Variants in ARHGEF12 observed in about 807,000 individuals in gnomAD.
The protein encoded by ARHGEF12 is Rho guanine nucleotide exchange factor 12, also known as KMT2A/ARHGEF12 fusion protein.
ARHGEF12 carries 66 observed loss-of-function variants against 211.2 expected under a neutral mutation model. The observed-to-expected ratio is 0.31, with a 90% CI of 0.26 to 0.38. ARHGEF12 has a LOEUF of 0.38. Ranked by LOEUF, ARHGEF12 falls within the 10% of genes least tolerant of loss-of-function variation. The pLI is 1.00. For synonymous variants in ARHGEF12, 592 were observed against 638.4 expected, an observed-to-expected ratio of 0.93 and a Z score of 1.09; for missense variants, 1,429 against 1,869.5, an observed-to-expected ratio of 0.76 and a Z score of 4.34.
In ARHGEF12 at chr11:120,347,183, C is replaced by CTTTCTTT. The variant is rs1555090042; in HGVS notation, c.32+9908_32+9909insTTTCTTT. On this transcript the variant is annotated intron_variant, in intron 1 of 40. Coordinates refer to ENST00000397843, the MANE Select transcript of ARHGEF12 (RefSeq NM_015313.3). ...TCCTTCCTTCCTTCCTTCCTTCCTT[C>CTTTCTTT]CTTTCTTTCTTTCTTTCTTTCTCTT... Among the ~76,000 whole-genome samples, 403 of 100,280 alleles carry CTTTCTTT rather than the reference C, an allele frequency of 4.0e-3. 10 individuals carry two copies. Among genetic ancestry groups the CTTTCTTT allele is most frequent in the East Asian group, 0.016 (56 of 3,534 alleles). The allele number at this position is 100,280 out of a possible 152,430, so 65.8% of individuals were successfully genotyped here.
At chr11:120,428,280 C>T (rs1452664796) in intron 8 of ARHGEF12, 33 bp downstream of exon 8, 1 of 1,534,912 alleles carries the variant, frequency 6.5e-7, no homozygotes, top group South Asian at 1.3e-5. Flanking sequence ...GTTAAATGCT[C>T]AGTCTTATAA....
intron 5 of ARHGEF12, among the ~76,000 whole-genome samples, chr11:120,421,107 G>A (rs907068745): frequency 2.0e-5 from 3 of 151,966 alleles, no homozygotes; most frequent in African/African-American, 7.3e-5. Flanking sequence ...ATACTTTATT[G>A]TCCACACAAA....
chr11:120,451,754 A>G (rs765564278), intron 22 of ARHGEF12, 30 bp downstream of exon 22: 27 of 1,584,682 alleles, frequency 1.7e-5, no homozygotes, highest in Non-Finnish European at 2.6e-6. Flanking sequence ...CAGCTTAACT[A>G]AGCATCAAGA....
chr11:120,478,360 A>G lies in ARHGEF12; in HGVS notation c.3737A>G (p.Glu1246Gly), dbSNP rs765891726. 8.1e-6 allele frequency: 13 copies of G among 1,614,126 alleles called. No homozygotes were observed. The South Asian group carries it at 1.4e-4, about 18-fold the overall frequency. ...GATTCACACCTGCCTGTCTCAGAAGAACGGTGGGCATTGGATGCACTAAGA... is the reference window on the plus strand; with the variant it reads ...GATTCACACCTGCCTGTCTCAGAAGGACGGTGGGCATTGGATGCACTAAGA... ...IPDSHLPVSEERWALDALRNL... is the reference protein window; with the variant it reads ...IPDSHLPVSEGRWALDALRNL... Residue 1246 changes from glutamate (E) to glycine (G), a missense_variant, in exon 37 of 41, where the codon GAA becomes GGA. By Grantham distance (98) the Glu-to-Gly change is moderately conservative. This residue lies in a region of ARHGEF12 where 467 missense variants were observed against 468.4 expected (regional missense o/e 1.00). Coordinates refer to ENST00000397843, the MANE Select transcript of ARHGEF12 (RefSeq NM_015313.3).
At chr11:120,449,012 A>C in intron 20 of ARHGEF12, 97 bp from the exon 21 acceptor site, 2 of 1,030,980 alleles carry the variant, frequency 1.9e-6, no homozygotes, top group Non-Finnish European at 2.9e-6. Flanking sequence ...TTTACACTTA[A>C]CAATTTCTTT....
At chr11:120,420,578 G>A (rs1049924878) in intron 4 of ARHGEF12, among the ~76,000 whole-genome samples, 175 bp from the exon 5 acceptor site, 2 of 152,160 alleles carry the variant, frequency 1.3e-5, no homozygotes, top group Admixed American at 6.5e-5. Flanking sequence ...ACTCTGTGGT[G>A]TTCTTGTGTT....
rs185705453 is a variant in ARHGEF12 at position 120,382,999 on chromosome 11, C to T, written c.33-23119C>T. Among the ~76,000 whole-genome samples, 80 of 152,160 alleles carry T rather than the reference C, an allele frequency of 5.3e-4. 1 individual carries two copies. Among genetic ancestry groups the T allele is most frequent in the Middle Eastern group, 3.4e-3 (1 of 294 alleles). On this transcript the variant is annotated intron_variant, in intron 1 of 40. Coordinates refer to ENST00000397843, the MANE Select transcript of ARHGEF12 (RefSeq NM_015313.3). ...CTAAAAATACAAAAAATTAGCCAGG[C>T]GTGGTGGCGGGCGCCTGTGGTCCCA...
chr11:120,426,443 G>T (rs1240406460), intron 7 of ARHGEF12, among the ~76,000 whole-genome samples: 1 of 152,138 alleles, frequency 6.6e-6, no homozygotes, highest in Non-Finnish European at 1.5e-5. Flanking sequence ...TAAAGCCTGG[G>T]TGTATGTAAC....
At chr11:120,406,864 T>A (rs997351984) in intron 2 of ARHGEF12, among the ~76,000 whole-genome samples, 4 of 152,214 alleles carry the variant, frequency 2.6e-5, no homozygotes, top group Admixed American at 2.0e-4. Context: ...AGCCTAGTCT[T>A]AATTACTTTA....
chr11:120,364,252 C>A (rs1225530774), intron 1 of ARHGEF12, among the ~76,000 whole-genome samples: 2 of 152,156 alleles, frequency 1.3e-5, no homozygotes, highest in Non-Finnish European at 2.9e-5. Context: ...TCCCTTAGCC[C>A]ATCCCATGCT....
chr11:120,467,625 T>A (rs1260692471), intron 29 of ARHGEF12, among the ~76,000 whole-genome samples: 1 of 148,898 alleles, frequency 6.7e-6, no homozygotes, highest in Non-Finnish European at 1.5e-5. Flanking sequence ...TTTTTTTTTT[T>A]AGCAAGGGTC....
intron 1 of ARHGEF12, among the ~76,000 whole-genome samples, chr11:120,358,997 C>A (rs1299961144): frequency 1.3e-5 from 2 of 152,018 alleles, no homozygotes; most frequent in Non-Finnish European, 2.9e-5. Flanking sequence ...GTAGGAAGCC[C>A]TAGCTCCTCT....
chr11:120,352,910 C>A (rs1565422164), intron 1 of ARHGEF12, among the ~76,000 whole-genome samples: 1 of 152,182 alleles, frequency 6.6e-6, no homozygotes. Flanking sequence ...AGGGTCAGCA[C>A]CCCAGGCGCC....
chr11:120,378,769 CTT>C (rs1445989912), intron 1 of ARHGEF12, among the ~76,000 whole-genome samples: 1 of 152,148 alleles, frequency 6.6e-6, no homozygotes, highest in Non-Finnish European at 1.5e-5. Flanking sequence ...GTGTTAAAAA[CTT>C]AATAGACTGT....
intron 1 of ARHGEF12, among the ~76,000 whole-genome samples, chr11:120,403,814 T>C (rs1366323780): frequency 1.3e-5 from 2 of 152,204 alleles, no homozygotes; most frequent in African/African-American, 4.8e-5. Context: ...ATTGTCATGA[T>C]TTCATGATTA....
intron 1 of ARHGEF12, among the ~76,000 whole-genome samples, chr11:120,384,852 AG>A (rs1456460939): frequency 4.6e-5 from 7 of 151,814 alleles, no homozygotes; most frequent in Non-Finnish European, 1.0e-4. Flanking sequence ...TTCTCTTTGA[AG>A]GGGTAATACT....
intron 7 of ARHGEF12, among the ~76,000 whole-genome samples, chr11:120,426,869 T>G (rs1355993600): frequency 1.0e-5 from 1 of 95,608 alleles, no homozygotes; most frequent in Non-Finnish European, 2.1e-5. Context: ...TGTTTTTTTT[T>G]GTTTTTGTTT....
At chr11:120,457,335 A>G in intron 23 of ARHGEF12, 85 bp downstream of exon 23, 1 of 1,486,808 alleles carries the variant, frequency 6.7e-7, no homozygotes. Context: ...GTAGCATTCT[A>G]GCACTGAAGC....
chr11:120,346,842 A>C (rs1000037186), intron 1 of ARHGEF12, among the ~76,000 whole-genome samples: 2 of 152,292 alleles, frequency 1.3e-5, no homozygotes, highest in Admixed American at 6.5e-5. Context: ...TTCTCACTAG[A>C]TTATTTTGAA....
Sources: gnomAD v4.1 joint callset for allele counts (sites outside exome capture counted in the v4.1 genomes callset) on GRCh38, gnomAD v4.1.1 for gene constraint, gnomAD v4.1.1 regional missense constraint, MANE v1.5 for transcripts, NCBI Gene and HGNC (gene_info 2026-07-23, HGNC 2026-07-21) for gene names.